P2RY6: variants seen among roughly 807,000 people sequenced by gnomAD.
P2RY6 encodes the protein pyrimidinergic receptor P2Y6.
Under a neutral mutation model 16.3 loss-of-function variants are expected in P2RY6, and 19 were observed. The observed-to-expected ratio is 1.16, with a 90% CI of 0.81 to 1.71. The LOEUF (loss-of-function observed/expected upper bound fraction) is 1.71. P2RY6 is among the 40% of genes most tolerant of loss of function. The pLI is 0.00. For missense variants in P2RY6, 389 were observed against 455.5 expected, an observed-to-expected ratio of 0.85 and a Z score of 1.33; for synonymous variants, 184 against 201.5, an observed-to-expected ratio of 0.91 and a Z score of 0.74.
intron 1 of P2RY6, among the ~76,000 whole-genome samples, chr11:73,283,809 C>A (rs185582910): frequency 6.6e-6 from 1 of 151,986 alleles, no homozygotes; most frequent in Non-Finnish European, 1.5e-5. Context: ...GAGGAACAGA[C>A]GGAGAGGCAC....
chr11:73,274,894 T>A (rs1412262440), intron 1 of P2RY6, among the ~76,000 whole-genome samples: 1 of 152,230 alleles, frequency 6.6e-6, no homozygotes, highest in Non-Finnish European at 1.5e-5. Context: ...GGTTTCTATT[T>A]CAGGCTGGGG....
rs1348020415 is a variant in P2RY6 at position 73,298,427 on chromosome 11, G to T, written c.*922G>T. ...GGCAAGAGTTAGCCAGATGCTCCAGGCAGTGGGAAGCCAATGGAGGGATTA... is the reference window on the plus strand; with the variant it reads ...GGCAAGAGTTAGCCAGATGCTCCAGTCAGTGGGAAGCCAATGGAGGGATTA... On this transcript the variant is annotated 3_prime_UTR_variant, in exon 3 of 3. Coordinates refer to ENST00000540124, the MANE Select transcript of P2RY6 (RefSeq NM_001277204.2). The T allele has an allele frequency of 1.8e-5, 3 of 167,158 alleles. No individual in the cohort carries two copies. In the Admixed American group the frequency reaches 2.0e-4, roughly 11 times the overall value. The allele number at this position is 167,158 out of a possible 1,614,324, so 10.4% of individuals were successfully genotyped here. A position where few individuals can be genotyped will look rare whatever the true frequency, so the allele number is the denominator to read the frequency against.
chr11:73,291,870 G>A (rs1864264564), intron 1 of P2RY6, among the ~76,000 whole-genome samples: 1 of 152,176 alleles, frequency 6.6e-6, no homozygotes, highest in Non-Finnish European at 1.5e-5. Flanking sequence ...GGGCAAAGGT[G>A]GAGTAAGAAC....
chr11:73,273,056 AAGAC>A (rs930997148), intron 1 of P2RY6, among the ~76,000 whole-genome samples: 2 of 151,632 alleles, frequency 1.3e-5, no homozygotes, highest in African/African-American at 4.9e-5. Flanking sequence ...GCTAAATCTT[AAGAC>A]AGCCTGGAGC....
chr11:73,292,716 T>C, intron 1 of P2RY6: 3 of 756,784 alleles, frequency 4.0e-6, no homozygotes, highest in Non-Finnish European at 4.8e-6. Context: ...CTAGGCGTGG[T>C]GTTGGGGATG....
chr11:73,267,259 G>T (rs191774557), intron 1 of P2RY6, among the ~76,000 whole-genome samples: 73 of 152,278 alleles, frequency 4.8e-4, no homozygotes, highest in Non-Finnish European at 9.1e-4. Context: ...CCCAGAAAAG[G>T]TCTCCTCCCT....
intron 1 of P2RY6, among the ~76,000 whole-genome samples, chr11:73,277,825 T>C (rs1327617393): frequency 6.6e-6 from 1 of 152,248 alleles, no homozygotes; most frequent in East Asian, 1.9e-4. Context: ...TCTCTATCTT[T>C]ATCTTCCAAG....
At chr11:73,292,800 C>T (rs1190587637) in intron 1 of P2RY6, 8 of 985,254 alleles carry the variant, frequency 8.1e-6, no homozygotes, top group Non-Finnish European at 9.6e-6. Context: ...GGAAGCTGCT[C>T]ACTCTGTCAG....
Position 73,296,875 on chromosome 11 carries a change from C to T in P2RY6, c.357C>T (p.Cys119=). Residue 119 remains cysteine (C), a synonymous_variant, in exon 3 of 3, where the codon TGC becomes TGT. Coordinates refer to ENST00000540124, the MANE Select transcript of P2RY6 (RefSeq NM_001277204.2). The part of the protein sequence containing the change: ...NLHGSILFLT[C]ISFQRYLGIC... Reference sequence around the variant, plus strand: ...ACGGCAGCATCCTCTTCCTCACCTGCATCAGCTTCCAGCGCTACCTGGGCA... The same window carrying T: ...ACGGCAGCATCCTCTTCCTCACCTGTATCAGCTTCCAGCGCTACCTGGGCA... 1 of 1,610,728 alleles carries T rather than the reference C, an allele frequency of 6.2e-7. No individual in the cohort carries two copies. Among genetic ancestry groups the T allele is most frequent in the Non-Finnish European group, 8.5e-7 (1 of 1,180,036 alleles).
chr11:73,289,867 C>T (rs897400463), intron 1 of P2RY6, among the ~76,000 whole-genome samples: 2 of 152,178 alleles, frequency 1.3e-5, no homozygotes, highest in African/African-American at 4.8e-5. Context: ...AGGGAATAAT[C>T]CACCCCCCAC....
chr11:73,294,373 C>T (rs1159197695), intron 1 of P2RY6, among the ~76,000 whole-genome samples: 1 of 152,188 alleles, frequency 6.6e-6, no homozygotes, highest in Non-Finnish European at 1.5e-5. Context: ...GGGAGGACTC[C>T]GTGAATCCCT....
intron 1 of P2RY6, among the ~76,000 whole-genome samples, chr11:73,292,206 A>C (rs780009598): frequency 6.6e-6 from 1 of 152,276 alleles, no homozygotes; most frequent in Non-Finnish European, 1.5e-5. Context: ...TGGAAGGGGC[A>C]GTCGCTGTGA....
At chr11:73,280,742 G>A (rs1457375105) in intron 1 of P2RY6, among the ~76,000 whole-genome samples, 4 of 152,348 alleles carry the variant, frequency 2.6e-5, no homozygotes, top group South Asian at 2.1e-4. Context: ...CAGCACTGAC[G>A]AGGGGCAAAA....
At position 73,297,688 on chromosome 11, in the gene P2RY6, T is replaced by C. The variant is rs1033506889; in HGVS notation, c.*183T>C. On this transcript the variant is annotated 3_prime_UTR_variant, in exon 3 of 3. Transcript: ENST00000540124. ...TCAGCCCCTTCTCTGGCCCAGACCC[T>C]GTGGGCATGGAGATGGACAGACCTG... 1.6e-6 allele frequency: 1 copy of C among 618,882 alleles called. No individual in the cohort carries two copies. The highest frequency in any genetic ancestry group is 3.0e-5 in the Admixed American group (1 of 33,648). The allele number at this position is 618,882 out of a possible 1,614,324, so 38.3% of individuals were successfully genotyped here.
At chr11:73,266,449 A>G (rs1000268452) in intron 1 of P2RY6, among the ~76,000 whole-genome samples, 1 of 152,174 alleles carries the variant, frequency 6.6e-6, no homozygotes, top group African/African-American at 2.4e-5. Context: ...TGGAATGAGG[A>G]AAGTCCAGTA....
At position 73,289,893 on chromosome 11, in the gene P2RY6, T is replaced by G. The variant is rs199986437; in HGVS notation, c.-120-5837T>G. Among the ~76,000 whole-genome samples, 13 of 152,278 alleles carry G rather than the reference T, an allele frequency of 8.5e-5. No homozygotes were observed. In the East Asian group the frequency reaches 2.5e-3, roughly 29 times the overall value. On this transcript the variant is annotated intron_variant, in intron 1 of 2. Coordinates refer to ENST00000540124, the MANE Select transcript of P2RY6 (RefSeq NM_001277204.2). ...CACCCCCCACCAAATTGCCCAGAAC[T>G]GCAGATAAAACATCTGGCACAGAAT... is the stretch of plus-strand genomic sequence containing the variant.
chr11:73,290,303 AAAAGAAAG>A (rs563446982), intron 1 of P2RY6, among the ~76,000 whole-genome samples: 11,871 of 112,516 alleles, frequency 0.11, 615 homozygotes, highest in South Asian at 0.13. Flanking sequence ...AGAAAGAAAG[AAAAGAAAG>A]AAAGAAAGAA....
intron 1 of P2RY6, among the ~76,000 whole-genome samples, chr11:73,273,092 G>GAAA (rs35651681): frequency 1.5e-5 from 2 of 130,792 alleles, no homozygotes; most frequent in Non-Finnish European, 1.7e-5. Flanking sequence ...GAGTGGTTTG[G>GAAA]AAAAAAAAAA....
intron 1 of P2RY6, among the ~76,000 whole-genome samples, chr11:73,277,727 C>T (rs1863596464): frequency 6.6e-6 from 1 of 152,252 alleles, no homozygotes; most frequent in Non-Finnish European, 1.5e-5. Flanking sequence ...CCTACCTGAA[C>T]TTTGCCCCAG....
Sources: gnomAD v4.1 joint callset for allele counts (sites outside exome capture counted in the v4.1 genomes callset) on GRCh38, gnomAD v4.1.1 for gene constraint, MANE v1.5 for transcripts, NCBI Gene and HGNC (gene_info 2026-07-23, HGNC 2026-07-21) for gene names.